Variants in MAGI2 observed in about 807,000 individuals in gnomAD.
MAGI2 encodes the protein membrane-associated guanylate kinase, WW and PDZ domain-containing protein 2.
In MAGI2, 35 loss-of-function variants were observed where a neutral mutation model predicts 133.3. The ratio of observed to expected loss-of-function variants is 0.26; its 90% confidence interval spans 0.20 to 0.35. MAGI2 has a LOEUF of 0.35. Ranked by LOEUF, MAGI2 falls within the 10% of genes least tolerant of loss-of-function variation. The pLI is 1.00. For synonymous variants in MAGI2, 729 were observed against 710.6 expected, an observed-to-expected ratio of 1.03 and a Z score of -0.41; for missense variants, 1,636 against 1,863.4, an observed-to-expected ratio of 0.88 and a Z score of 2.25.
chr7:79,356,892 G>T (rs945062345), intron 1 of MAGI2, among the ~76,000 whole-genome samples: 1 of 152,004 alleles, frequency 6.6e-6, no homozygotes, highest in East Asian at 1.9e-4. Flanking sequence ...CATTCTCTAG[G>T]TCCAAAATCA....
At chr7:78,903,172 CTTTTTTTTTTTTTTTTTTTTTT>C (rs10526268) in intron 2 of MAGI2, among the ~76,000 whole-genome samples, 741 of 56,128 alleles carry the variant, frequency 0.013, 4 homozygotes, top group Middle Eastern at 0.043. Flanking sequence ...GTTCCTGAAT[CTTTTTTTTTTTTTTTTTTTTTT>C]TTTTTTTTTT....
chr7:79,142,492 C>T (rs900936679), intron 1 of MAGI2, among the ~76,000 whole-genome samples: 4 of 152,084 alleles, frequency 2.6e-5, no homozygotes, highest in Admixed American at 1.3e-4. Flanking sequence ...TCGGGGTTAC[C>T]GTTCTAGAAA....
At chr7:79,208,982 G>A (rs1377739753) in intron 1 of MAGI2, among the ~76,000 whole-genome samples, 1 of 151,942 alleles carries the variant, frequency 6.6e-6, no homozygotes, top group Non-Finnish European at 1.5e-5. Context: ...TAATCTCCTA[G>A]AAGTAGAGAG....
intron 10 of MAGI2, among the ~76,000 whole-genome samples, chr7:78,220,579 T>C (rs1788712804): frequency 6.6e-6 from 1 of 151,318 alleles, no homozygotes; most frequent in South Asian, 2.1e-4. Flanking sequence ...ACTTTGGTTT[T>C]TTAAAAATTA....
chr7:78,289,684 A>C (rs1397692549), intron 9 of MAGI2, among the ~76,000 whole-genome samples: 1 of 152,222 alleles, frequency 6.6e-6, no homozygotes, highest in Non-Finnish European at 1.5e-5. Flanking sequence ...ATGAAGAAAA[A>C]AATGTTAAGG....
At chr7:79,190,123 A>G (rs1392031617) in intron 1 of MAGI2, among the ~76,000 whole-genome samples, 1 of 151,878 alleles carries the variant, frequency 6.6e-6, no homozygotes, top group East Asian at 1.9e-4. Flanking sequence ...ATAAATTTTC[A>G]ACTCATTCTG....
intron 3 of MAGI2, chr7:78,554,715 G>C (rs749914117): frequency 6.6e-6 from 1 of 152,142 alleles, no homozygotes; most frequent in South Asian, 2.1e-4. Flanking sequence ...GAAGACACAG[G>C]GTCACAGAGA....
chr7:78,687,521 C>G (rs1339743375), intron 2 of MAGI2, among the ~76,000 whole-genome samples: 1 of 152,156 alleles, frequency 6.6e-6, no homozygotes, highest in Non-Finnish European at 1.5e-5. Flanking sequence ...AGAGACAAGA[C>G]CATACCTGCA....
At chr7:78,923,664 C>T (rs1799446654) in intron 2 of MAGI2, among the ~76,000 whole-genome samples, 1 of 152,098 alleles carries the variant, frequency 6.6e-6, no homozygotes, top group Admixed American at 6.5e-5. Context: ...TTAGCATTGA[C>T]TTGGTGATGA....
chr7:78,807,822 T>C (rs1788712861), intron 2 of MAGI2, among the ~76,000 whole-genome samples: 1 of 152,242 alleles, frequency 6.6e-6, no homozygotes, highest in African/African-American at 2.4e-5. Context: ...TTGGATACCG[T>C]GCTTCAGGTA....
intron 1 of MAGI2, among the ~76,000 whole-genome samples, chr7:79,387,135 T>A (rs1844248760): frequency 6.6e-6 from 1 of 151,302 alleles, no homozygotes. Flanking sequence ...TGTGTTAACA[T>A]TAACTTAGAG....
intron 7 of MAGI2, among the ~76,000 whole-genome samples, chr7:78,367,005 C>T (rs1793445978): frequency 6.6e-6 from 1 of 151,910 alleles, no homozygotes; most frequent in Non-Finnish European, 1.5e-5. Context: ...AATTATAGAA[C>T]ACATGACTGA....
intron 1 of MAGI2, among the ~76,000 whole-genome samples, chr7:79,407,260 A>T (rs1845867332): frequency 6.6e-6 from 1 of 152,162 alleles, no homozygotes; most frequent in Admixed American, 6.6e-5. Context: ...TAAATCTTGG[A>T]GTGAAACTGG....
chr7:78,611,657 CAA>C (rs1806455681), intron 3 of MAGI2, among the ~76,000 whole-genome samples: 1 of 152,138 alleles, frequency 6.6e-6, no homozygotes. Flanking sequence ...TAGTTGACAT[CAA>C]AGAGATAAAA....
chr7:78,786,340 T>G (rs906674134), intron 2 of MAGI2, among the ~76,000 whole-genome samples: 1 of 152,226 alleles, frequency 6.6e-6, no homozygotes, highest in African/African-American at 2.4e-5. Context: ...TCCTTGCTTC[T>G]GCCCTTCTTA....
intron 3 of MAGI2, among the ~76,000 whole-genome samples, chr7:78,577,404 C>G (rs1178111272): frequency 6.6e-6 from 1 of 152,014 alleles, no homozygotes; most frequent in Non-Finnish European, 1.5e-5. Flanking sequence ...TTGAAATAAG[C>G]AATATCATAA....
At chr7:79,340,248 C>T (rs1312731067) in intron 1 of MAGI2, among the ~76,000 whole-genome samples, 2 of 151,890 alleles carry the variant, frequency 1.3e-5, no homozygotes, top group Non-Finnish European at 2.9e-5. Flanking sequence ...TCTTGCCTTG[C>T]CTCATTTATA....
chr7:78,523,531 A>G (rs1439421419), intron 3 of MAGI2, among the ~76,000 whole-genome samples: 2 of 152,086 alleles, frequency 1.3e-5, no homozygotes, highest in African/African-American at 4.8e-5. Flanking sequence ...ATTGCCCAAG[A>G]CTGGGTAATT....
chr7:78,957,285 A>G (rs1167928410), intron 2 of MAGI2, among the ~76,000 whole-genome samples: 1 of 148,874 alleles, frequency 6.7e-6, no homozygotes, highest in African/African-American at 2.5e-5. Flanking sequence ...AAAAAAAAAA[A>G]GAAAAGAAAA....
Sources: allele counts gnomAD v4.1 joint callset (sites outside exome capture counted in the v4.1 genomes callset), GRCh38; gene constraint gnomAD v4.1.1; transcripts MANE v1.5; gene names NCBI Gene and HGNC (gene_info 2026-07-23, HGNC 2026-07-21).